The following ZNF385D variants were observed in gnomAD, a reference collection of about 807,000 sequenced individuals.
ZNF385D encodes zinc finger protein 659.
In ZNF385D, 15 loss-of-function variants were observed where a neutral mutation model predicts 35.8. The observed-to-expected ratio is 0.42, with a 90% CI of 0.28 to 0.64. The LOEUF is 0.64. Ranked by LOEUF, ZNF385D falls within the 30% of genes least tolerant of loss-of-function variation. The pLI is 0.23. For missense variants in ZNF385D, 474 were observed against 494.6 expected (o/e 0.96, Z 0.39); for synonymous variants, 212 against 186.8 (o/e 1.13, Z -1.10).
chr3:21,443,528 G>T (rs1432090789), intron 4 of ZNF385D, among the ~76,000 whole-genome samples: 5 of 152,180 alleles, frequency 3.3e-5, no homozygotes, highest in African/African-American at 1.2e-4. Context: ...TCTAATATAA[G>T]AGTGGAGGGA....
intron 3 of ZNF385D, among the ~76,000 whole-genome samples, chr3:21,839,146 C>G (rs1695508060): frequency 1.3e-5 from 2 of 152,078 alleles, no homozygotes; most frequent in Non-Finnish European, 2.9e-5. Flanking sequence ...CTTGGTCTTT[C>G]TAACTCCAAG....
At chr3:21,857,177 A>T (rs1228568217) in intron 3 of ZNF385D, among the ~76,000 whole-genome samples, 1 of 152,078 alleles carries the variant, frequency 6.6e-6, no homozygotes, top group Admixed American at 6.5e-5. Context: ...CCTATCAAAT[A>T]GTATATATTT....
At chr3:21,645,275 A>G (rs1290027106) in intron 2 of ZNF385D, among the ~76,000 whole-genome samples, 1 of 152,158 alleles carries the variant, frequency 6.6e-6, no homozygotes, top group Non-Finnish European at 1.5e-5. Flanking sequence ...AGTCACTGAT[A>G]AAATAAACAG....
At chr3:21,564,081 A>G (rs1024795195) in intron 3 of ZNF385D, among the ~76,000 whole-genome samples, 1 of 152,044 alleles carries the variant, frequency 6.6e-6, no homozygotes, top group Admixed American at 6.6e-5. Flanking sequence ...AAATACCAAT[A>G]CTCCTAGGAC....
intron 3 of ZNF385D, among the ~76,000 whole-genome samples, chr3:21,540,776 G>A (rs1305604065): frequency 6.6e-6 from 1 of 152,136 alleles, no homozygotes; most frequent in Non-Finnish European, 1.5e-5. Flanking sequence ...ATGTGATTAT[G>A]AAAAGATCTA....
At chr3:21,820,406 T>TA (rs2073349825) in intron 3 of ZNF385D, among the ~76,000 whole-genome samples, 2 of 151,828 alleles carry the variant, frequency 1.3e-5, no homozygotes, top group South Asian at 4.1e-4. Context: ...ATAAAAGGCT[T>TA]AAAATCAAAT....
intron 3 of ZNF385D, among the ~76,000 whole-genome samples, chr3:21,771,057 A>C (rs1014200229): frequency 1.5e-5 from 2 of 136,764 alleles, no homozygotes; most frequent in African/African-American, 5.4e-5. Context: ...ACTTGGACAC[A>C]GGAAGGGGAA....
intron 2 of ZNF385D, among the ~76,000 whole-genome samples, chr3:22,214,321 T>A (rs1359077924): frequency 2.0e-5 from 3 of 152,026 alleles, no homozygotes; most frequent in African/African-American, 7.2e-5. Context: ...AGGATGTATG[T>A]CGCCTCAGGA....
chr3:22,152,743 G>C (rs965794103), intron 3 of ZNF385D, among the ~76,000 whole-genome samples: 2 of 152,096 alleles, frequency 1.3e-5, no homozygotes, highest in Non-Finnish European at 2.9e-5. Context: ...ATTTGATCAC[G>C]TATGTGGAGT....
At chr3:21,517,571 A>G (rs1247628969) in intron 3 of ZNF385D, among the ~76,000 whole-genome samples, 1 of 152,150 alleles carries the variant, frequency 6.6e-6, no homozygotes, top group African/African-American at 2.4e-5. Flanking sequence ...TAAACCTTGA[A>G]TTTGAAAGGA....
intron 3 of ZNF385D, among the ~76,000 whole-genome samples, chr3:21,959,916 A>G (rs926019024): frequency 2.6e-5 from 4 of 152,064 alleles, no homozygotes; most frequent in African/African-American, 4.8e-5. Context: ...ATACTGAAAC[A>G]TAAGACTCAA....
At chr3:21,469,471 G>C (rs173027) in intron 4 of ZNF385D, among the ~76,000 whole-genome samples, 1 of 151,922 alleles carries the variant, frequency 6.6e-6, no homozygotes, top group Non-Finnish European at 1.5e-5. Flanking sequence ...CTTTTAAAAA[G>C]CTTATTCAAA....
At chr3:21,999,922 A>G (rs1265425740) in intron 3 of ZNF385D, among the ~76,000 whole-genome samples, 1 of 152,170 alleles carries the variant, frequency 6.6e-6, no homozygotes, top group Non-Finnish European at 1.5e-5. Context: ...TATTTTAAAA[A>G]ATAATAGCTA....
At chr3:22,099,916 A>G (rs1701838916) in intron 3 of ZNF385D, among the ~76,000 whole-genome samples, 1 of 55,042 alleles carries the variant, frequency 1.8e-5, no homozygotes, top group Non-Finnish European at 5.1e-5. Flanking sequence ...ACCTTTATCA[A>G]AAATGTCAGG....
chr3:21,960,807 T>A (rs758851016), intron 3 of ZNF385D, among the ~76,000 whole-genome samples: 1 of 152,130 alleles, frequency 6.6e-6, no homozygotes, highest in Non-Finnish European at 1.5e-5. Context: ...GATATCATAT[T>A]AAGTGAAATA....
At chr3:22,235,856 A>T (rs888820614) in intron 2 of ZNF385D, among the ~76,000 whole-genome samples, 6 of 152,130 alleles carry the variant, frequency 3.9e-5, no homozygotes, top group South Asian at 4.1e-4. Flanking sequence ...AATTTAATTT[A>T]AAAAAGTGCC....
rs1303443180 is a variant in ZNF385D, at chr3:22,120,433, C to T, written c.325+48384G>A. Among the ~76,000 whole-genome samples the T allele has an allele frequency of 2.6e-5, 4 of 152,034 alleles. No individual in the cohort carries two copies. The East Asian group carries it at 5.8e-4, about 22-fold the overall frequency. Reference sequence around the variant, plus strand: ...ATTAAGGACTATACCCTTATGACCTCGTATAAGCTTAATTACTTTTTTAAG... The same window carrying T: ...ATTAAGGACTATACCCTTATGACCTTGTATAAGCTTAATTACTTTTTTAAG... On this transcript the variant is annotated intron_variant, in intron 3 of 5. Coordinates refer to the ZNF385D transcript ENST00000494108.
chr3:21,600,502 T>A (rs1575290287), intron 2 of ZNF385D, among the ~76,000 whole-genome samples: 1 of 152,204 alleles, frequency 6.6e-6, no homozygotes, highest in Non-Finnish European at 1.5e-5. Context: ...TAGTCTTAAT[T>A]AAAACAAGAA....
chr3:21,625,426 A>T (rs1402878463), intron 2 of ZNF385D, among the ~76,000 whole-genome samples: 1 of 152,112 alleles, frequency 6.6e-6, no homozygotes, highest in Non-Finnish European at 1.5e-5. Context: ...TGACAAAATC[A>T]TTCACACAAT....
Sources: allele counts gnomAD v4.1 joint callset (sites outside exome capture counted in the v4.1 genomes callset), GRCh38; gene constraint gnomAD v4.1.1; transcripts MANE v1.5; gene names NCBI Gene and HGNC (gene_info 2026-07-23, HGNC 2026-07-21).